POLR1C: variants seen among roughly 807,000 people sequenced by gnomAD.
POLR1C encodes the protein DNA-directed RNA polymerases I and III subunit RPAC1.
Under a neutral mutation model 38.3 loss-of-function variants are expected in POLR1C, and 42 were observed. The observed-to-expected ratio is 1.10, with a 90% CI of 0.86 to 1.42. POLR1C has a LOEUF of 1.42. Among genes scored for constraint, POLR1C ranks in the 40% most tolerant of loss-of-function variants. The pLI is 0.00. For missense variants in POLR1C, 507 were observed against 450.5 expected (o/e 1.13, Z -1.14); for synonymous variants, 163 against 163.9 (o/e 0.99, Z 0.04).
At chr6:43,525,396 C>T (rs1793515499), downstream of POLR1C, 6 of 616,308 alleles carry the variant, frequency 9.7e-6, no homozygotes, top group Admixed American at 5.9e-5. Flanking sequence ...TCTAAGCCTC[C>T]CGAATAGCTG....
chr6:43,533,743 G>C (rs1189079990), downstream of POLR1C: 1 of 406,514 alleles, frequency 2.5e-6, no homozygotes, highest in Non-Finnish European at 4.6e-6. Flanking sequence ...GCTGAGGCAG[G>C]AAGACTGCTT....
chr6:43,528,843 G>A, intron 8 of POLR1C: 2 of 1,613,840 alleles, frequency 1.2e-6, no homozygotes, highest in Non-Finnish European at 1.7e-6. Context: ...GGAGGTAGGT[G>A]AAAAGAGGTC....
downstream of POLR1C, among the ~76,000 whole-genome samples, chr6:43,530,520 T>G (rs868040884): frequency 6.6e-6 from 1 of 152,206 alleles, no homozygotes; most frequent in Non-Finnish European, 1.5e-5. Context: ...ACTGCCTTCA[T>G]GTTTTCCCTG....
chr6:43,545,643 G>A (rs1582219787), intron 9 of POLR1C, among the ~76,000 whole-genome samples: 1 of 151,982 alleles, frequency 6.6e-6, no homozygotes, highest in Non-Finnish European at 1.5e-5. Context: ...GGAGGCGGAG[G>A]TTGCAGTGAG....
chr6:43,524,606 T>C (rs750353890), downstream of POLR1C: 3 of 1,613,866 alleles, frequency 1.9e-6, no homozygotes, highest in East Asian at 4.5e-5. Flanking sequence ...TTTGCTCCAT[T>C]ACAGCTCTTA....
intron 9 of POLR1C, among the ~76,000 whole-genome samples, chr6:43,545,782 T>C (rs908008543): frequency 1.3e-5 from 2 of 152,048 alleles, no homozygotes; most frequent in Non-Finnish European, 2.9e-5. Context: ...AACTGAATTA[T>C]ATAAAAAAAC....
downstream of POLR1C, chr6:43,524,942 A>C (rs767584568): frequency 1.3e-5 from 21 of 1,613,704 alleles, no homozygotes; most frequent in Non-Finnish European, 1.8e-5. Context: ...ACGTAACTGC[A>C]TCTGCGAGCA....
chr6:43,522,844 C>G, downstream of POLR1C: 1 of 293,872 alleles, frequency 3.4e-6, no homozygotes, highest in South Asian at 2.7e-5. Flanking sequence ...TCCATGTCCT[C>G]TCTTTACAGG....
intron 9 of POLR1C, chr6:43,549,926 T>G: frequency 6.2e-7 from 1 of 1,612,382 alleles, no homozygotes; most frequent in Non-Finnish European, 8.5e-7. Flanking sequence ...AAGTGACAGA[T>G]GAAAATAGCT....
intron 9 of POLR1C, chr6:43,544,357 T>C (rs1211855756): frequency 6.5e-6 from 1 of 152,736 alleles, no homozygotes; most frequent in East Asian, 1.9e-4. Flanking sequence ...AGTGAACACA[T>C]GAGAATCTTC....
intron 2 of POLR1C, among the ~76,000 whole-genome samples, chr6:43,518,515 T>C (rs890246931): frequency 6.6e-6 from 1 of 151,990 alleles, no homozygotes; most frequent in Non-Finnish European, 1.5e-5. Flanking sequence ...GAGATAACAT[T>C]TTGGGAGTTG....
intron 10 of POLR1C, among the ~76,000 whole-genome samples, chr6:43,552,985 T>C (rs551163190): frequency 2.0e-5 from 3 of 152,214 alleles, no homozygotes; most frequent in Non-Finnish European, 2.9e-5. Flanking sequence ...TTTCCTCTTC[T>C]GTAAGATGTA....
chr6:43,558,017 C>T (rs1338827125), intron 10 of POLR1C, among the ~76,000 whole-genome samples: 1 of 151,482 alleles, frequency 6.6e-6, no homozygotes, highest in Non-Finnish European at 1.5e-5. Flanking sequence ...ATCGCTTGAA[C>T]CCAGAAGGCA....
At chr6:43,532,363 C>T (rs566166600), downstream of POLR1C, among the ~76,000 whole-genome samples, 1 of 152,284 alleles carries the variant, frequency 6.6e-6, no homozygotes, top group Admixed American at 6.5e-5. Flanking sequence ...CATTGGATTG[C>T]TTGACCACAG....
At chr6:43,541,894 C>A (rs1794715446) in intron 9 of POLR1C, among the ~76,000 whole-genome samples, 1 of 152,152 alleles carries the variant, frequency 6.6e-6, no homozygotes, top group African/African-American at 2.4e-5. Context: ...TCTCTTGCAT[C>A]AACCTTTTGA....
At chr6:43,555,682 C>T in intron 10 of POLR1C, 1 of 830,064 alleles carries the variant, frequency 1.2e-6, no homozygotes, top group Non-Finnish European at 1.7e-6. Context: ...TTGTGTCAGC[C>T]AATGAAAACG....
intron 9 of POLR1C, among the ~76,000 whole-genome samples, chr6:43,546,049 C>G (rs1179384896): frequency 6.6e-6 from 1 of 152,134 alleles, no homozygotes; most frequent in East Asian, 1.9e-4. Context: ...GGTCTTAGGA[C>G]TCAGCTTTGA....
At chr6:43,556,805 G>C (rs1040862833) in intron 10 of POLR1C, among the ~76,000 whole-genome samples, 4 of 152,054 alleles carry the variant, frequency 2.6e-5, no homozygotes, top group African/African-American at 9.7e-5. Flanking sequence ...AGTAAATGTG[G>C]TATATCCATA....
intron 9 of POLR1C, chr6:43,550,043 G>T: frequency 1.7e-6 from 2 of 1,170,992 alleles, no homozygotes; most frequent in South Asian, 1.3e-5. Flanking sequence ...TGATTCTCCT[G>T]CTTTAGCCTT....
Sources: allele counts gnomAD v4.1 joint callset (sites outside exome capture counted in the v4.1 genomes callset), GRCh38; gene constraint gnomAD v4.1.1; transcripts MANE v1.5; gene names NCBI Gene and HGNC (gene_info 2026-07-23, HGNC 2026-07-21).